Variants in TECR observed in about 807,000 individuals in gnomAD.
TECR encodes trans-2,3-enoyl-CoA reductase, also known as very-long-chain enoyl-CoA reductase.
Under a neutral mutation model 50.6 loss-of-function variants are expected in TECR, and 19 were observed. The ratio of observed to expected loss-of-function variants is 0.38; its 90% CI spans 0.26 to 0.55. The LOEUF (loss-of-function observed/expected upper bound fraction) is 0.55. TECR is among the 20% of genes least tolerant of loss of function. The pLI, the probability that TECR is intolerant of heterozygous loss-of-function variation, is 0.79. For synonymous variants in TECR, 168 were observed against 163.5 expected (o/e 1.03, Z -0.21); for missense variants, 313 against 408.3 (o/e 0.77, Z 2.01).
rs1301810395 is a variant in TECR, at chr19:14,563,935, C to G, written c.267+32C>G. 2 of 1,613,866 alleles carry G rather than the reference C, an allele frequency of 1.2e-6. No homozygotes were observed. Among genetic ancestry groups the G allele is most frequent in the East Asian group, 4.5e-5 (2 of 44,898 alleles). ...CCTGACCCTACCCACGGCCTCTTTT[C>G]CCGTCAGCCACGTTGGGTGACTCAT... On this transcript the variant is annotated intron_variant, in intron 5 of 12. Coordinates refer to ENST00000215567, the MANE Select transcript of TECR (RefSeq NM_138501.6). This position sits in a 1 kb window ranked among gnomAD's most constrained non-coding sequence, Gnocchi z 5.3.
upstream of TECR, chr19:14,529,264 A>G: frequency 3.2e-6 from 1 of 317,286 alleles, no homozygotes; most frequent in Non-Finnish European, 6.3e-6. Context: ...CTTGCCTGTC[A>G]CTCAACTTCT....
intron 1 of TECR, among the ~76,000 whole-genome samples, chr19:14,556,023 C>G (rs1599478580): frequency 6.6e-6 from 1 of 152,342 alleles, no homozygotes; most frequent in East Asian, 1.9e-4. Flanking sequence ...CATCCCTCCT[C>G]TGCTCAAGAA....
upstream of TECR, chr19:14,529,164 C>T (rs2072512967): frequency 7.3e-5 from 16 of 218,148 alleles, no homozygotes; most frequent in South Asian, 8.8e-4. Context: ...GACCCCAGCC[C>T]CTAGCCCTCT....
At chr19:14,540,244 A>C (rs34342397) in intron 1 of TECR, among the ~76,000 whole-genome samples, 31,285 of 149,310 alleles carry the variant, frequency 0.21, 3,543 homozygotes, top group South Asian at 0.41. Flanking sequence ...TTTATTTTTT[A>C]TTTTTACTAG....
Position 14,563,326 on chromosome 19 carries a change from C to A in TECR, c.118+69C>A. 1 of 1,404,526 alleles carries A rather than the reference C, an allele frequency of 7.1e-7. No individual in the cohort carries two copies. Among genetic ancestry groups the A allele is most frequent in the Non-Finnish European group, 1.0e-6 (1 of 1,004,096 alleles). 87.0% of individuals were successfully genotyped at this position (1,404,526 alleles called of 1,614,324 possible). ...CCAGGGACCTTAGGGTGGGAGGGATCCCATCCTGCACCCCTCTCCCAGGGG... is the reference window on the plus strand; with the variant it reads ...CCAGGGACCTTAGGGTGGGAGGGATACCATCCTGCACCCCTCTCCCAGGGG... On this transcript the variant is annotated intron_variant, in intron 3 of 12. Coordinates refer to ENST00000215567, the MANE Select transcript of TECR (RefSeq NM_138501.6). This position sits in a 1 kb window ranked among gnomAD's most constrained non-coding sequence, Gnocchi z 5.3.
chr19:14,529,409 G>T (rs564405303), upstream of TECR: 87 of 586,470 alleles, frequency 1.5e-4, 1 homozygote, highest in South Asian at 1.5e-3. Flanking sequence ...CTTCTCTTTA[G>T]CCCCTCCTAC....
At chr19:14,550,659 C>T (rs1173608105) in intron 1 of TECR, among the ~76,000 whole-genome samples, 1 of 152,096 alleles carries the variant, frequency 6.6e-6, no homozygotes, top group East Asian at 1.9e-4. Flanking sequence ...GGGCTGGCCC[C>T]AGCGGCCAGG....
At chr19:14,538,619 G>C (rs1228324819) in intron 1 of TECR, among the ~76,000 whole-genome samples, 1 of 150,232 alleles carries the variant, frequency 6.7e-6, no homozygotes, top group Non-Finnish European at 1.5e-5. Context: ...TGCAACCTCT[G>C]CCTCCTGGGT....
chr19:14,535,756 CAAAAAAA>C (rs1161257175), intron 1 of TECR, among the ~76,000 whole-genome samples: 1 of 51,944 alleles, frequency 1.9e-5, no homozygotes, highest in Non-Finnish European at 3.3e-5. Context: ...GACTCTGTCT[CAAAAAAA>C]AAAAAAAAAA....
At chr19:14,552,294 A>G (rs2073555517) in intron 1 of TECR, among the ~76,000 whole-genome samples, 2 of 146,594 alleles carry the variant, frequency 1.4e-5, no homozygotes, top group South Asian at 4.4e-4. Flanking sequence ...CTGGCCTCCC[A>G]AACTGCTGGG....
chr19:14,542,841 C>T (rs1190331606), intron 1 of TECR, among the ~76,000 whole-genome samples: 2 of 152,214 alleles, frequency 1.3e-5, no homozygotes, highest in Admixed American at 6.5e-5. Context: ...CTCTGTGGCC[C>T]TGTAGCTGTG....
intron 1 of TECR, among the ~76,000 whole-genome samples, chr19:14,535,131 G>A (rs2072815155): frequency 6.6e-6 from 1 of 152,064 alleles, no homozygotes. Flanking sequence ...CCAGCACGTT[G>A]GGAGGCTGAG....
In TECR at chr19:14,563,446, C is replaced by T; in HGVS notation, c.118+189C>T. On this transcript the variant is annotated intron_variant, in intron 3 of 12. Coordinates refer to ENST00000215567, the MANE Select transcript of TECR (RefSeq NM_138501.6). This position sits in a 1 kb window ranked among gnomAD's most constrained non-coding sequence, Gnocchi z 5.3. The stretch of plus-strand genomic sequence containing the variant: ...TCCGCAGGAACGCCCTTGCTAGGCT[C>T]TGGGAAGGACAAGATCCTGCTTCTG... The T allele has an allele frequency of 1.2e-6, 1 of 818,844 alleles. No homozygotes were observed. The highest frequency in any genetic ancestry group is 2.0e-6 in the Non-Finnish European group (1 of 503,446). 50.7% of individuals were successfully genotyped at this position (818,844 alleles called of 1,614,324 possible). A position where few individuals can be genotyped will look rare whatever the true frequency, so the allele number is the denominator to read the frequency against.
chr19:14,529,525 G>T (rs1171251057), upstream of TECR: 3 of 860,078 alleles, frequency 3.5e-6, no homozygotes, highest in Non-Finnish European at 5.8e-6. Context: ...GGCGAACGTG[G>T]GCGCCTCGTG....
chr19:14,555,089 T>C (rs1357287411), intron 1 of TECR, among the ~76,000 whole-genome samples: 1 of 151,644 alleles, frequency 6.6e-6, no homozygotes, highest in Non-Finnish European at 1.5e-5. Context: ...GTTTTTTTTT[T>C]TTTGAGACAG....
chr19:14,562,092 G>A lies in TECR; in HGVS notation c.16-433G>A, dbSNP rs536180190. 1.2e-4 allele frequency: 53 copies of A among 452,674 alleles called. 1 individual carries two copies. Among genetic ancestry groups the A allele is most frequent in the African/African-American group, 1.6e-4 (8 of 51,142 alleles). 28.0% of individuals were successfully genotyped at this position (452,674 alleles called of 1,614,324 possible). A position where few individuals can be genotyped will look rare whatever the true frequency, so the allele number is the denominator to read the frequency against. On this transcript the variant is annotated intron_variant, in intron 1 of 12. Coordinates refer to ENST00000215567, the MANE Select transcript of TECR (RefSeq NM_138501.6). Reference sequence around the variant, plus strand: ...TGCTTTCAGGGCAGCCTGGCTCCCCGGGGAGACTCCCAAGCCCCCCTCAGA... The same window carrying A: ...TGCTTTCAGGGCAGCCTGGCTCCCCAGGGAGACTCCCAAGCCCCCCTCAGA...
At chr19:14,548,293 A>G (rs1391950356) in intron 1 of TECR, among the ~76,000 whole-genome samples, 5 of 152,012 alleles carry the variant, frequency 3.3e-5, no homozygotes, top group Admixed American at 3.3e-4. Flanking sequence ...CATGTCCAAA[A>G]TGGAGCTTCT....
chr19:14,542,347 G>GTTTTGTTTT (rs2073125931), intron 1 of TECR, among the ~76,000 whole-genome samples: 1 of 43,282 alleles, frequency 2.3e-5, no homozygotes, highest in South Asian at 9.3e-4. Flanking sequence ...ATGCCATAGT[G>GTTTTGTTTT]TTTTTTTTTT....
At chr19:14,530,449 GCTGA>G (rs1480455187) in intron 1 of TECR, 1 of 152,126 alleles carries the variant, frequency 6.6e-6, no homozygotes, top group Non-Finnish European at 1.5e-5. Flanking sequence ...CTGAATTATT[GCTGA>G]CTTTTAAGTA....
Sources: gnomAD v4.1 joint callset for allele counts (sites outside exome capture counted in the v4.1 genomes callset) on GRCh38, gnomAD v4.1.1 for gene constraint, Gnocchi (gnomAD v3.1) non-coding constraint, MANE v1.5 for transcripts, NCBI Gene and HGNC (gene_info 2026-07-23, HGNC 2026-07-21) for gene names.